The following CLIP4 variants were observed in gnomAD, a reference collection of about 807,000 sequenced individuals.
CLIP4 encodes the protein CAP-Gly domain containing linker protein family member 4.
In CLIP4, 47 loss-of-function variants were observed where a neutral mutation model predicts 73.1. The ratio of observed to expected loss-of-function variants is 0.64; its 90% CI spans 0.51 to 0.82. CLIP4 has a LOEUF of 0.82. CLIP4 is among the 40% of genes least tolerant of loss of function. CLIP4 has a pLI of 0.00. For missense variants in CLIP4, 874 were observed against 852.9 expected (o/e 1.02, Z -0.31); for synonymous variants, 306 against 295.4 (o/e 1.04, Z -0.37).
chr2:29,105,042 T>C (rs1235351006), intron 1 of CLIP4, among the ~76,000 whole-genome samples: 1 of 152,168 alleles, frequency 6.6e-6, no homozygotes, highest in Non-Finnish European at 1.5e-5. Context: ...TTATATATTA[T>C]TACATTATTA....
At chr2:29,180,256 A>T (rs1369241422) in intron 15 of CLIP4, among the ~76,000 whole-genome samples, 1 of 152,200 alleles carries the variant, frequency 6.6e-6, no homozygotes, top group Non-Finnish European at 1.5e-5. Flanking sequence ...TCAGGGAGCG[A>T]CAAGACCCTG....
chr2:29,175,902 C>T (rs992809237), intron 15 of CLIP4, among the ~76,000 whole-genome samples: 8 of 151,412 alleles, frequency 5.3e-5, no homozygotes, highest in East Asian at 3.9e-4. Context: ...GCTGGGACTA[C>T]AGGCGCCCGC....
At chr2:29,149,681 G>T (rs1230941861) in intron 8 of CLIP4, among the ~76,000 whole-genome samples, 9 of 149,604 alleles carry the variant, frequency 6.0e-5, no homozygotes, top group African/African-American at 2.2e-4. Flanking sequence ...TATGCATCCA[G>T]TCATTGCTTT....
chr2:29,128,442 AC>A (rs1438458320), intron 2 of CLIP4, among the ~76,000 whole-genome samples: 2 of 151,204 alleles, frequency 1.3e-5, no homozygotes, highest in South Asian at 2.1e-4. Flanking sequence ...GTTAAAAAAA[AC>A]AAAAACAAAA....
upstream of CLIP4, among the ~76,000 whole-genome samples, chr2:29,111,581 G>T (rs1668387878): frequency 6.6e-6 from 1 of 152,140 alleles, no homozygotes; most frequent in African/African-American, 2.4e-5. Context: ...TCTGTGAATT[G>T]TCTATTCTTA....
chr2:29,119,710 A>G (rs924053086), intron 1 of CLIP4, among the ~76,000 whole-genome samples: 2 of 152,144 alleles, frequency 1.3e-5, no homozygotes, highest in Admixed American at 1.3e-4. Flanking sequence ...TCCTAGTCAT[A>G]TCCCAAGTTC....
intron 10 of CLIP4, among the ~76,000 whole-genome samples, chr2:29,156,909 TGA>T (rs1666962322): frequency 6.6e-6 from 1 of 152,174 alleles, no homozygotes; most frequent in African/African-American, 2.4e-5. Context: ...AGGTGAGAGG[TGA>T]CTGATGGTCA....
Position 29,163,957 on chromosome 2 carries a change from G to A in CLIP4, c.1658+3G>A. On this transcript the variant is annotated splice_donor_region_variant and intron_variant, in intron 13 of 15. Transcript: ENST00000320081. ...GCTCCCCCATCCAGGGTGCAAAGGT[G>A]AGAGAATGAAATTTATGTTTATTTA... 1 of 1,609,006 alleles carries A rather than the reference G, an allele frequency of 6.2e-7. No homozygotes were observed. The highest frequency in any genetic ancestry group is 8.5e-7 in the Non-Finnish European group (1 of 1,178,000).
At chr2:29,153,707 G>T (rs1411548749) in intron 9 of CLIP4, among the ~76,000 whole-genome samples, 1 of 152,182 alleles carries the variant, frequency 6.6e-6, no homozygotes, top group African/African-American at 2.4e-5. Flanking sequence ...GAGGTAGAAA[G>T]CTCTCTACCA....
At position 29,182,916 on chromosome 2, in the gene CLIP4, GTTATTTAC is replaced by G. The variant is rs1668712113; in HGVS notation, c.*1027_*1034del. 6.6e-6 allele frequency: 1 copy of G among 152,552 alleles called. No homozygotes were observed. The highest frequency in any genetic ancestry group is 2.4e-5 in the African/African-American group (1 of 41,422). The allele number at this position is 152,552 out of a possible 1,614,324, so 9.4% of individuals were successfully genotyped here. A position where few individuals can be genotyped will look rare whatever the true frequency, so the allele number is the denominator to read the frequency against. ...AAGATATATCAGGAAGGATGTATTA[GTTATTTAC>G]TTAAATGTTTATAATATCTGGATTT... On this transcript the variant is annotated 3_prime_UTR_variant, in exon 16 of 16. Transcript: ENST00000320081.
intron 2 of CLIP4, among the ~76,000 whole-genome samples, chr2:29,123,281 C>T (rs1664388938): frequency 6.6e-6 from 1 of 152,152 alleles, no homozygotes; most frequent in East Asian, 1.9e-4. Flanking sequence ...TGGTCAGTCT[C>T]CCCTTGAAAA....
intron 2 of CLIP4, 56 bp downstream of exon 2, chr2:29,121,577 A>G: frequency 6.3e-7 from 1 of 1,590,446 alleles, no homozygotes; most frequent in Non-Finnish European, 8.5e-7. Context: ...CTTCTCTGTT[A>G]CGCCTTTTTT....
chr2:29,123,760 T>C (rs1233625092), intron 2 of CLIP4, among the ~76,000 whole-genome samples: 2 of 152,148 alleles, frequency 1.3e-5, no homozygotes, highest in South Asian at 2.1e-4. Flanking sequence ...TAGGCCCCCA[T>C]AGGGAATTTT....
intron 1 of CLIP4, among the ~76,000 whole-genome samples, chr2:29,118,532 T>C (rs1030763648): frequency 1.3e-5 from 2 of 151,840 alleles, no homozygotes; most frequent in Non-Finnish European, 2.9e-5. Context: ...TTTTTTTTTT[T>C]TTTGAGATGG....
At chr2:29,146,977 TG>T (rs1666212656) in intron 8 of CLIP4, among the ~76,000 whole-genome samples, 1 of 152,228 alleles carries the variant, frequency 6.6e-6, no homozygotes, top group Admixed American at 6.5e-5. Flanking sequence ...CTCATTTTTT[TG>T]GTCTATTAAA....
Position 29,133,964 on chromosome 2 carries a change from T to C in CLIP4, c.529+148T>C, listed in dbSNP as rs1306961712. On this transcript the variant is annotated intron_variant, in intron 5 of 15. Coordinates refer to ENST00000320081, the MANE Select transcript of CLIP4 (RefSeq NM_024692.6). Reference sequence around the variant, plus strand: ...ATTTTATTTCTGAGATAGTTTAAAATTTCTTTATTGAGTATTAATTACTAT... The same window carrying C: ...ATTTTATTTCTGAGATAGTTTAAAACTTCTTTATTGAGTATTAATTACTAT... 4.6e-6 allele frequency: 3 copies of C among 650,414 alleles called. 1 individual carries two copies. The East Asian group carries it at 8.8e-5, about 19-fold the overall frequency. 40.3% of individuals were successfully genotyped at this position (650,414 alleles called of 1,614,324 possible). A position where few individuals can be genotyped will look rare whatever the true frequency, so the allele number is the denominator to read the frequency against.
intron 10 of CLIP4, 86 bp downstream of exon 10, chr2:29,156,529 T>TACCAATGACTTTCTTCACAGAA: frequency 1.0e-6 from 1 of 991,526 alleles, no homozygotes; most frequent in Non-Finnish European, 1.5e-6. Context: ...TATATGGAGG[T>TACCAATGACTTTCTTCACAGAA]TAAGTTTTAA....
chr2:29,103,368 G>A (rs1047429756), intron 1 of CLIP4, among the ~76,000 whole-genome samples: 9 of 151,246 alleles, frequency 6.0e-5, no homozygotes, highest in Non-Finnish European at 1.5e-5. Context: ...CCTTTTTTTA[G>A]TTTCTAAAAC....
intron 9 of CLIP4, 85 bp from the exon 10 acceptor site, chr2:29,156,266 GATA>G: frequency 2.5e-6 from 2 of 790,936 alleles, no homozygotes; most frequent in Non-Finnish European, 3.9e-6. Context: ...GTGAGATTTC[GATA>G]ATGAGGGATG....
Sources: gnomAD v4.1 joint callset for allele counts (sites outside exome capture counted in the v4.1 genomes callset) on GRCh38, gnomAD v4.1.1 for gene constraint, MANE v1.5 for transcripts, NCBI Gene and HGNC (gene_info 2026-07-23, HGNC 2026-07-21) for gene names.